LRP6: variants seen among roughly 807,000 people sequenced by gnomAD.
LRP6 encodes low-density lipoprotein receptor-related protein 6.
A neutral mutation model predicts 184.1 loss-of-function variants in LRP6; 43 were observed. That is an observed-to-expected ratio of 0.23 (90% CI 0.18 to 0.30). The LOEUF (loss-of-function observed/expected upper bound fraction) is 0.30, where lower values mean the gene tolerates loss of function less well. LRP6 is among the 10% of genes least tolerant of loss of function. The pLI is 1.00. For missense variants in LRP6, 1,571 were observed against 2,005.3 expected, an observed-to-expected ratio of 0.78 and a Z score of 4.14; for synonymous variants, 719 against 684.9, an observed-to-expected ratio of 1.05 and a Z score of -0.78.
chr12:12,263,379 T>C (rs1865674387), intron 1 of LRP6, among the ~76,000 whole-genome samples: 1 of 150,724 alleles, frequency 6.6e-6, no homozygotes, highest in African/African-American at 2.4e-5. Flanking sequence ...ATGGAGACCA[T>C]CCTGGCTAAC....
At chr12:12,158,082 T>G (rs1051252572) in intron 12 of LRP6, among the ~76,000 whole-genome samples, 6 of 152,218 alleles carry the variant, frequency 3.9e-5, no homozygotes, top group African/African-American at 1.4e-4. Context: ...TCTCTTTAGT[T>G]TCTCATCAAC....
chr12:12,206,386 C>CA lies in LRP6; in HGVS notation c.450-2987dup, dbSNP rs1182717345. Reference sequence around the variant, plus strand: ...TGAAACCCTGTCTCTATTAAAAATACAAAAAAATTAGCCAGGCGTGGTGGC... The same window carrying CA: ...TGAAACCCTGTCTCTATTAAAAATACAAAAAAAATTAGCCAGGCGTGGTGGC... On this transcript the variant is annotated intron_variant, in intron 2 of 22. Coordinates refer to ENST00000261349, the MANE Select transcript of LRP6 (RefSeq NM_002336.3). Among the ~76,000 whole-genome samples, 8 of 151,310 alleles carry CA rather than the reference C, an allele frequency of 5.3e-5. No individual in the cohort carries two copies. In the East Asian group the frequency reaches 1.4e-3, roughly 26 times the overall value.
Position 12,203,227 on chromosome 12 carries a change from T to C in LRP6, c.623A>G (p.Lys208Arg). 6.2e-7 allele frequency: 1 copy of C among 1,610,678 alleles called. No homozygotes were observed. The highest frequency in any genetic ancestry group is 8.5e-7 in the Non-Finnish European group (1 of 1,178,734). ...WADAKLNFIH[K>R]SNLDGTNRQA... ...CCGATTTGTTCCATCCAGATTTGATTTGTGGATGAAATTAAGTTTTGCATC... is the reference window on the plus strand; with the variant it reads ...CCGATTTGTTCCATCCAGATTTGATCTGTGGATGAAATTAAGTTTTGCATC... The change falls in exon 3 of 23, where the codon AAA (lysine) becomes AGA (arginine). Residue 208 changes from lysine (K) to arginine (R), a missense_variant. Physicochemically the swap from Lys to Arg is conservative, Grantham distance 26. Coordinates refer to ENST00000261349, the MANE Select transcript of LRP6 (RefSeq NM_002336.3).
intron 2 of LRP6, chr12:12,226,534 G>A (rs886244328): frequency 2.0e-5 from 3 of 152,150 alleles, no homozygotes; most frequent in Non-Finnish European, 2.9e-5. Flanking sequence ...CATAAATGAA[G>A]AATGCCTTTG....
chr12:12,218,634 G>A (rs1250088510), intron 2 of LRP6, among the ~76,000 whole-genome samples: 1 of 151,880 alleles, frequency 6.6e-6, no homozygotes, highest in East Asian at 1.9e-4. Flanking sequence ...AATAAGACAT[G>A]CCTATACACC....
chr12:12,196,708 C>A (rs1247148754), intron 3 of LRP6, among the ~76,000 whole-genome samples: 1 of 152,066 alleles, frequency 6.6e-6, no homozygotes, highest in Non-Finnish European at 1.5e-5. Flanking sequence ...GATGTACTCT[C>A]ATGGTGCAGT....
intron 15 of LRP6, among the ~76,000 whole-genome samples, chr12:12,141,614 A>T (rs1949935205): frequency 6.6e-6 from 1 of 152,172 alleles, no homozygotes; most frequent in African/African-American, 2.4e-5. Context: ...TCCCAGGACA[A>T]TGGAGAAATG....
rs770056510 is a variant in LRP6, at chr12:12,164,128, T to TA, written c.2052+144dup. ...CTGGGTGACAGAGCAAGACACCGTTTAAAAAAAAAAAAAAAAACTTGAGGG... is the reference window on the plus strand; with the variant it reads ...CTGGGTGACAGAGCAAGACACCGTTTAAAAAAAAAAAAAAAAAACTTGAGGG... On this transcript the variant is annotated intron_variant, in intron 9 of 22. Transcript: ENST00000261349. 131,045 of 576,376 alleles carry TA rather than the reference T, an allele frequency of 0.23. 287 individuals carry two copies. The highest frequency in any genetic ancestry group is 0.31 in the South Asian group (13,449 of 43,830). The allele number at this position is 576,376 out of a possible 1,614,324, so 35.7% of individuals were successfully genotyped here.
chr12:12,177,550 G>A (rs1565605434), intron 7 of LRP6, among the ~76,000 whole-genome samples: 1 of 152,130 alleles, frequency 6.6e-6, no homozygotes, highest in Non-Finnish European at 1.5e-5. Flanking sequence ...TTTAGACGAA[G>A]AGCTGCACTC....
At chr12:12,188,726 A>G (rs889054582) in intron 3 of LRP6, among the ~76,000 whole-genome samples, 3 of 152,206 alleles carry the variant, frequency 2.0e-5, no homozygotes, top group African/African-American at 4.8e-5. Context: ...TTTCCCAAAG[A>G]GAACTGTCAC....
chr12:12,182,391 C>T (rs1179097505), intron 5 of LRP6, among the ~76,000 whole-genome samples: 1 of 152,000 alleles, frequency 6.6e-6, no homozygotes, highest in Non-Finnish European at 1.5e-5. Context: ...TACTTAACCA[C>T]ATAACCAAGA....
intron 3 of LRP6, among the ~76,000 whole-genome samples, chr12:12,196,426 T>C (rs1863763631): frequency 6.6e-6 from 1 of 152,102 alleles, no homozygotes; most frequent in African/African-American, 2.4e-5. Context: ...TGGTTAAATT[T>C]ATTCCTAGGT....
intron 2 of LRP6, among the ~76,000 whole-genome samples, chr12:12,222,049 C>T (rs1864503022): frequency 6.6e-6 from 1 of 152,158 alleles, no homozygotes; most frequent in African/African-American, 2.4e-5. Flanking sequence ...AAAATTCCTT[C>T]TCACACAATG....
intron 2 of LRP6, among the ~76,000 whole-genome samples, chr12:12,221,974 T>C (rs899368690): frequency 1.3e-5 from 2 of 152,226 alleles, no homozygotes; most frequent in Non-Finnish European, 2.9e-5. Flanking sequence ...AGTGATCTGC[T>C]AAATGCTTTA....
chr12:12,241,291 G>C (rs750985317), intron 2 of LRP6, among the ~76,000 whole-genome samples: 4 of 151,982 alleles, frequency 2.6e-5, no homozygotes. Flanking sequence ...CTCAAACTTC[G>C]TATTTCCCCC....
chr12:12,213,461 A>G (rs1269270870), intron 2 of LRP6, among the ~76,000 whole-genome samples: 1 of 152,104 alleles, frequency 6.6e-6, no homozygotes, highest in Non-Finnish European at 1.5e-5. Context: ...TAACTCTATT[A>G]TTAATATATC....
rs1339721489 is a variant in LRP6, at chr12:12,119,188, C to G, written c.*1938G>C. The G allele has an allele frequency of 1.3e-5, 2 of 152,156 alleles. No individual in the cohort carries two copies. Among genetic ancestry groups the G allele is most frequent in the Non-Finnish European group, 2.9e-5 (2 of 68,014 alleles). The allele number at this position is 152,156 out of a possible 1,614,324, so 9.4% of individuals were successfully genotyped here. A position where few individuals can be genotyped will look rare whatever the true frequency, so the allele number is the denominator to read the frequency against. On this transcript the variant is annotated 3_prime_UTR_variant, in exon 23 of 23. Transcript: ENST00000261349. The stretch of plus-strand genomic sequence containing the variant: ...CCTGATTCTTACAGTCTCCAACAAT[C>G]AGCATTATTCTGAAACCACAATTTT...
chr12:12,155,392 G>A, intron 12 of LRP6: 1 of 798,526 alleles, frequency 1.3e-6, no homozygotes, highest in Non-Finnish European at 2.2e-6. Context: ...GACATCAAGG[G>A]AATGGGTACT....
chr12:12,265,518 T>C (rs1865733924), intron 1 of LRP6, among the ~76,000 whole-genome samples: 2 of 152,208 alleles, frequency 1.3e-5, no homozygotes, highest in South Asian at 4.1e-4. Flanking sequence ...TAAACTTAAA[T>C]TAGTTTGGAG....
Sources: gnomAD v4.1 joint callset for allele counts (sites outside exome capture counted in the v4.1 genomes callset) on GRCh38, gnomAD v4.1.1 for gene constraint, MANE v1.5 for transcripts, NCBI Gene and HGNC (gene_info 2026-07-23, HGNC 2026-07-21) for gene names.